The following ASIC2 variants were observed in gnomAD, a reference collection of about 807,000 sequenced individuals.
ASIC2 encodes the protein acid sensing ion channel subunit 2, also known as acid-sensing ion channel 2.
A neutral mutation model predicts 57.3 loss-of-function variants in ASIC2; 25 were observed. The observed-to-expected ratio is 0.44, with a 90% CI of 0.32 to 0.61. The LOEUF is 0.61. Ranked by LOEUF, ASIC2 falls within the 20% of genes least tolerant of loss-of-function variation. The pLI, the probability that ASIC2 is intolerant of heterozygous loss-of-function variation, is 0.06. For missense variants in ASIC2, 641 were observed against 738.1 expected (o/e 0.87, Z 1.52); for synonymous variants, 319 against 307.5 (o/e 1.04, Z -0.39).
chr17:33,602,280 A>T (rs761874364), intron 1 of ASIC2, among the ~76,000 whole-genome samples: 3 of 152,230 alleles, frequency 2.0e-5, no homozygotes, highest in Non-Finnish European at 2.9e-5. Context: ...CCTGTGCTGG[A>T]AACTTAATCC....
intron 1 of ASIC2, among the ~76,000 whole-genome samples, chr17:33,285,947 T>G (rs1455437845): frequency 6.6e-6 from 1 of 152,200 alleles, no homozygotes; most frequent in South Asian, 2.1e-4. Flanking sequence ...ATAATGGAAA[T>G]AGCTCACATT....
chr17:34,059,151 A>G (rs538587866), intron 1 of ASIC2, among the ~76,000 whole-genome samples: 5 of 152,270 alleles, frequency 3.3e-5, no homozygotes, highest in Admixed American at 6.5e-5. Context: ...CTCCTGCAGG[A>G]CCTGGGAGAC....
At chr17:33,922,293 T>TTCCC (rs1248209138) in intron 1 of ASIC2, among the ~76,000 whole-genome samples, 1 of 151,734 alleles carries the variant, frequency 6.6e-6, no homozygotes, top group African/African-American at 2.4e-5. Context: ...CCCTCCTTCC[T>TTCCC]TCCCTCCCTC....
At chr17:33,051,048 A>G (rs1380517929) in intron 3 of ASIC2, among the ~76,000 whole-genome samples, 4 of 152,188 alleles carry the variant, frequency 2.6e-5, no homozygotes, top group Non-Finnish European at 5.9e-5. Context: ...ACTATCCTAT[A>G]GTCCCATACC....
At chr17:33,601,484 A>G (rs1360302629) in intron 1 of ASIC2, among the ~76,000 whole-genome samples, 1 of 152,218 alleles carries the variant, frequency 6.6e-6, no homozygotes. Context: ...CTCCTGCTTC[A>G]GAGGTACACC....
intron 2 of ASIC2, among the ~76,000 whole-genome samples, chr17:33,106,287 T>C (rs2092234007): frequency 6.6e-6 from 1 of 152,294 alleles, no homozygotes; most frequent in East Asian, 1.9e-4. Flanking sequence ...AGCATAGCTT[T>C]AAAAAATCAT....
chr17:33,014,631 A>G (rs2091796280), intron 9 of ASIC2, among the ~76,000 whole-genome samples: 1 of 151,736 alleles, frequency 6.6e-6, no homozygotes, highest in Non-Finnish European at 1.5e-5. Context: ...ATGAATCTTC[A>G]GGGTGGTTCC....
chr17:33,503,429 C>A (rs1034831569), intron 1 of ASIC2, among the ~76,000 whole-genome samples: 1 of 152,142 alleles, frequency 6.6e-6, no homozygotes, highest in East Asian at 1.9e-4. Context: ...ATTCCTCAGG[C>A]AGCAGTGAGT....
chr17:33,900,437 C>T (rs2141953283), intron 1 of ASIC2, among the ~76,000 whole-genome samples: 1 of 152,166 alleles, frequency 6.6e-6, no homozygotes, highest in African/African-American at 2.4e-5. Flanking sequence ...GCATGCCCTC[C>T]CAACACTGAG....
At chr17:33,404,893 A>G (rs886088973) in intron 1 of ASIC2, among the ~76,000 whole-genome samples, 2 of 152,230 alleles carry the variant, frequency 1.3e-5, no homozygotes, top group Non-Finnish European at 2.9e-5. Flanking sequence ...GACCCAATAT[A>G]GCAAGTACCC....
chr17:33,074,460 G>T (rs1378904840), intron 3 of ASIC2, among the ~76,000 whole-genome samples: 2 of 151,970 alleles, frequency 1.3e-5, no homozygotes, highest in Non-Finnish European at 2.9e-5. Flanking sequence ...TTTCCACTTC[G>T]ATTTGCTGAG....
At chr17:33,309,856 G>C (rs1243642645) in intron 1 of ASIC2, among the ~76,000 whole-genome samples, 1 of 149,702 alleles carries the variant, frequency 6.7e-6, no homozygotes, top group African/African-American at 2.5e-5. Context: ...GTGCTTGGCA[G>C]GTGGTAGGCA....
At chr17:33,389,322 A>G (rs1909808577) in intron 1 of ASIC2, among the ~76,000 whole-genome samples, 1 of 152,198 alleles carries the variant, frequency 6.6e-6, no homozygotes, top group African/African-American at 2.4e-5. Context: ...TTTACAGCTC[A>G]TTGACTGCAA....
At chr17:33,388,005 G>A (rs538665731) in intron 1 of ASIC2, among the ~76,000 whole-genome samples, 4 of 152,160 alleles carry the variant, frequency 2.6e-5, no homozygotes, top group East Asian at 1.9e-4. Context: ...GCTTGAACCC[G>A]GGAGGCAGAG....
chr17:33,738,783 G>T (rs1910005710), intron 1 of ASIC2, among the ~76,000 whole-genome samples: 1 of 152,138 alleles, frequency 6.6e-6, no homozygotes, highest in Non-Finnish European at 1.5e-5. Flanking sequence ...GTTCTTCTGG[G>T]CTCTCCCGCT....
At chr17:33,230,087 G>A (rs986393247) in intron 1 of ASIC2, among the ~76,000 whole-genome samples, 1 of 152,194 alleles carries the variant, frequency 6.6e-6, no homozygotes, top group Non-Finnish European at 1.5e-5. Context: ...GACCCCTGCT[G>A]TTTCATGAAA....
intron 1 of ASIC2, among the ~76,000 whole-genome samples, chr17:33,157,653 AAGCAGG>A: frequency 6.6e-6 from 1 of 152,314 alleles, no homozygotes; most frequent in South Asian, 2.1e-4. Flanking sequence ...TCAAGAATGC[AAGCAGG>A]TTGCCACCTC....
chr17:33,925,155 G>T (rs562293836), intron 1 of ASIC2, among the ~76,000 whole-genome samples: 21 of 152,350 alleles, frequency 1.4e-4, no homozygotes, highest in African/African-American at 4.8e-4. Context: ...AGCAGATCTG[G>T]ATTCAAGTCC....
chr17:33,208,725 T>C (rs902398321), intron 1 of ASIC2, among the ~76,000 whole-genome samples: 1 of 152,064 alleles, frequency 6.6e-6, no homozygotes, highest in African/African-American at 2.4e-5. Context: ...AAATGCAGGA[T>C]CTATGAAAGA....
Sources: allele counts gnomAD v4.1 joint callset (sites outside exome capture counted in the v4.1 genomes callset), GRCh38; gene constraint gnomAD v4.1.1; transcripts MANE v1.5; gene names NCBI Gene and HGNC (gene_info 2026-07-23, HGNC 2026-07-21).